LIPF: variants seen among roughly 807,000 people sequenced by gnomAD.
LIPF encodes gastric triacylglycerol lipase.
In LIPF, 25 loss-of-function variants were observed where a neutral mutation model predicts 38.0. The ratio of observed to expected loss-of-function variants is 0.66; its 90% confidence interval spans 0.48 to 0.92. LIPF has a LOEUF of 0.92. Among genes scored for constraint, LIPF ranks in the 40% least tolerant of loss-of-function variants. The pLI, the probability that LIPF is intolerant of heterozygous loss-of-function variation, is 0.00. For synonymous variants in LIPF, 161 were observed against 156.2 expected, an observed-to-expected ratio of 1.03 and a Z score of -0.23; for missense variants, 410 against 469.9, an observed-to-expected ratio of 0.87 and a Z score of 1.18.
chr10:88,676,299 G>A lies in LIPF; in HGVS notation c.960+19G>A, dbSNP rs765572473. Reference sequence around the variant, plus strand: ...TGATCAGGTAAGCTTCTTAAAGATGGAATTATTCACATTTTGAACAACAAT... The same window carrying A: ...TGATCAGGTAAGCTTCTTAAAGATGAAATTATTCACATTTTGAACAACAAT... On this transcript the variant is annotated intron_variant, in intron 9 of 9. Transcript: ENST00000238983. 1 of 1,470,712 alleles carries A rather than the reference G, an allele frequency of 6.8e-7. No individual in the cohort carries two copies. The allele number at this position is 1,470,712 out of a possible 1,614,324, so 91.1% of individuals were successfully genotyped here.
Position 88,669,938 on chromosome 10 carries a change from C to T in LIPF, c.524C>T (p.Thr175Ile). 6.2e-7 allele frequency: 1 copy of T among 1,605,964 alleles called. No homozygotes were observed. Among genetic ancestry groups the T allele is most frequent in the South Asian group, 1.1e-5 (1 of 90,428 alleles). Residue 175 changes from threonine to isoleucine, a missense_variant, in exon 5 of 10, where the codon ACC (threonine) becomes ATC (isoleucine). Coordinates refer to ENST00000238983, the MANE Select transcript of LIPF (RefSeq NM_004190.4). The stretch of plus-strand genomic sequence containing the variant: ...CACTATGTTGGCCATTCCCAGGGCA[C>T]CACCATTGGTAAGTAATGGCAGTCA... Reference protein sequence around the residue: ...QLHYVGHSQGTTIGFIAFSTN... With the variant: ...QLHYVGHSQGITIGFIAFSTN...
At chr10:88,676,397 T>C in intron 9 of LIPF, 117 bp downstream of exon 9, 1 of 660,178 alleles carries the variant, frequency 1.5e-6, no homozygotes, top group South Asian at 2.0e-5. Flanking sequence ...GTTGATGTTC[T>C]GTCTCTCATT....
At chr10:88,676,639 A>C (rs1841690849) in intron 9 of LIPF, among the ~76,000 whole-genome samples, 1 of 152,190 alleles carries the variant, frequency 6.6e-6, no homozygotes, top group African/African-American at 2.4e-5. Context: ...TGTTCATGGA[A>C]TTTCTGGTCT....
At chr10:88,677,649 A>G (rs1025518124) in intron 9 of LIPF, among the ~76,000 whole-genome samples, 13 of 152,342 alleles carry the variant, frequency 8.5e-5, no homozygotes, top group African/African-American at 2.6e-4. Context: ...ATTACACAAA[A>G]TGTGAGAATA....
At chr10:88,668,392 A>G (rs1841545452) in intron 3 of LIPF, among the ~76,000 whole-genome samples, 166 bp from the exon 4 acceptor site, 1 of 152,146 alleles carries the variant, frequency 6.6e-6, no homozygotes, top group South Asian at 2.1e-4. Context: ...TGAGAAATCA[A>G]CTCCCTGAGA....
At chr10:88,672,612 A>C (rs1841616446) in intron 6 of LIPF, among the ~76,000 whole-genome samples, 1 of 145,550 alleles carries the variant, frequency 6.9e-6, no homozygotes, top group African/African-American at 2.6e-5. Flanking sequence ...TAATTCTCTC[A>C]CCCAGTAAAA....
intron 5 of LIPF, among the ~76,000 whole-genome samples, chr10:88,670,985 T>C (rs1195115705): frequency 1.3e-5 from 2 of 152,138 alleles, no homozygotes; most frequent in African/African-American, 4.8e-5. Flanking sequence ...TAGTTGTCTA[T>C]ATCTGAAAGG....
chr10:88,665,353 CA>C, intron 1 of LIPF: 1 of 532,784 alleles, frequency 1.9e-6, no homozygotes, highest in Non-Finnish European at 3.4e-6. Flanking sequence ...TGTACTATTA[CA>C]GGCCCTGTTT....
chr10:88,672,009 G>T (rs753363734), intron 6 of LIPF, 44 bp downstream of exon 6: 1 of 1,520,520 alleles, frequency 6.6e-7, no homozygotes, highest in East Asian at 2.3e-5. Flanking sequence ...ACCCTTGATT[G>T]CCCATGGATT....
In LIPF at chr10:88,673,750, A is replaced by C. The variant is rs367792107; in HGVS notation, c.816+16A>C. 129 of 1,597,272 alleles carry C rather than the reference A, an allele frequency of 8.1e-5. No homozygotes were observed. Among genetic ancestry groups the C allele is most frequent in the South Asian group, 4.9e-4 (43 of 88,402 alleles). On this transcript the variant is annotated intron_variant, in intron 7 of 9. Coordinates refer to ENST00000238983, the MANE Select transcript of LIPF (RefSeq NM_004190.4). The stretch of plus-strand genomic sequence containing the variant: ...CTTTAACACGGTTAGTATGCATTTC[A>C]ATTTCTATATTTTGAGCAACATCTT...
chr10:88,668,293 A>G (rs1172443674), intron 3 of LIPF, among the ~76,000 whole-genome samples: 1 of 152,240 alleles, frequency 6.6e-6, no homozygotes, highest in Non-Finnish European at 1.5e-5. Context: ...ACCTGAGAAT[A>G]TAATTTTTTC....
At chr10:88,670,581 A>G (rs1461652959) in intron 5 of LIPF, among the ~76,000 whole-genome samples, 1 of 152,136 alleles carries the variant, frequency 6.6e-6, no homozygotes, top group East Asian at 1.9e-4. Context: ...CAGAATAGCA[A>G]GTGAGAAGAA....
chr10:88,668,634 C>T lies in LIPF; in HGVS notation c.300C>T (p.Asn100=), dbSNP rs1171905758. The T allele has an allele frequency of 6.2e-7, 1 of 1,614,212 alleles. No homozygotes were observed. Among genetic ancestry groups the T allele is most frequent in the Non-Finnish European group, 8.5e-7 (1 of 1,180,016 alleles). ...ACTGGATTTCCAACCTGCCGAACAA[C>T]AGCCTTGCCTTCATTCTGGCAGATG... The part of the protein sequence containing the change: ...ATNWISNLPN[N]SLAFILADAG... The change falls in exon 4 of 10, where the codon AAC becomes AAT. Residue 100 remains asparagine (N), a synonymous_variant. Coordinates refer to ENST00000238983, the MANE Select transcript of LIPF (RefSeq NM_004190.4).
chr10:88,676,386 T>C (rs1841686829), intron 9 of LIPF, 106 bp downstream of exon 9: 2 of 692,800 alleles, frequency 2.9e-6, no homozygotes, highest in African/African-American at 3.7e-5. Context: ...TCCAAAGGAA[T>C]GTTGATGTTC....
chr10:88,664,907 T>A (rs562982144), intron 1 of LIPF, among the ~76,000 whole-genome samples: 2 of 152,354 alleles, frequency 1.3e-5, no homozygotes, highest in South Asian at 4.1e-4. Flanking sequence ...CCAAATCAAC[T>A]GCTGTTGAAT....
At chr10:88,674,387 C>T (rs1239256105) in intron 7 of LIPF, among the ~76,000 whole-genome samples, 1 of 151,978 alleles carries the variant, frequency 6.6e-6, no homozygotes, top group African/African-American at 2.4e-5. Context: ...CCAGGATGGT[C>T]TCAATTTCCT....
At position 88,667,319 on chromosome 10, in the gene LIPF, G is replaced by T. The variant is rs1841526068; in HGVS notation, c.22G>T (p.Ala8Ser). MWLLLTM[A>S]SLISVLGTTH... is the part of the protein sequence containing the mutation. ...CAAAATGTGGCTGCTTTTAACAATG[G>T]CAAGTTTGATATCTGTACTGGGGAC... The change falls in exon 2 of 10, where the codon GCA (alanine) becomes TCA (serine). Residue 8 changes from alanine (A) to serine (S), a missense_variant. Coordinates refer to ENST00000238983, the MANE Select transcript of LIPF (RefSeq NM_004190.4). The T allele has an allele frequency of 9.3e-6, 15 of 1,612,260 alleles. No homozygotes were observed. The highest frequency in any genetic ancestry group is 1.2e-5 in the Non-Finnish European group (14 of 1,179,002).
chr10:88,671,756 T>G (rs1841599327), intron 5 of LIPF, 73 bp from the exon 6 acceptor site: 1 of 1,537,034 alleles, frequency 6.5e-7, no homozygotes, highest in South Asian at 1.3e-5. Flanking sequence ...AATGTCACAC[T>G]TATAAAAACA....
chr10:88,678,708 G>A lies in LIPF; in HGVS notation c.*27G>A. On this transcript the variant is annotated 3_prime_UTR_variant, in exon 10 of 10. Coordinates refer to ENST00000238983, the MANE Select transcript of LIPF (RefSeq NM_004190.4). ...TCTGGATTTAAAGAATTATCCGTTT[G>A]TTTTTCCAAAATACTTTATTCTCTC... The A allele has an allele frequency of 6.8e-7, 1 of 1,477,642 alleles. No individual in the cohort carries two copies. The highest frequency in any genetic ancestry group is 9.4e-7 in the Non-Finnish European group (1 of 1,058,404). The allele number at this position is 1,477,642 out of a possible 1,614,324, so 91.5% of individuals were successfully genotyped here.
Sources: allele counts gnomAD v4.1 joint callset (sites outside exome capture counted in the v4.1 genomes callset), GRCh38; gene constraint gnomAD v4.1.1; transcripts MANE v1.5; gene names NCBI Gene and HGNC (gene_info 2026-07-23, HGNC 2026-07-21).